Variants in CNTN5 observed in about 807,000 individuals in gnomAD.
CNTN5 encodes the protein contactin-5.
CNTN5 carries 77 observed loss-of-function variants against 129.1 expected under a neutral mutation model. The ratio of observed to expected loss-of-function variants is 0.60; its 90% confidence interval spans 0.50 to 0.72. CNTN5 has a LOEUF of 0.72. Among genes scored for constraint, CNTN5 ranks in the 30% least tolerant of loss-of-function variants. CNTN5 has a pLI of 0.00. For synonymous variants in CNTN5, 509 were observed against 465.6 expected (o/e 1.09, Z -1.20); for missense variants, 1,478 against 1,328.8 (o/e 1.11, Z -1.75).
At chr11:99,351,036 G>C (rs1207688226) in intron 2 of CNTN5, among the ~76,000 whole-genome samples, 1 of 152,024 alleles carries the variant, frequency 6.6e-6, no homozygotes, top group Admixed American at 6.6e-5. Context: ...GGGCCTAGGG[G>C]AGGGATAACA....
At chr11:99,208,198 T>G (rs534516302) in intron 1 of CNTN5, among the ~76,000 whole-genome samples, 2 of 152,288 alleles carry the variant, frequency 1.3e-5, no homozygotes, top group African/African-American at 4.8e-5. Context: ...GTTAACTGCA[T>G]GCAATTCAAA....
At chr11:99,462,360 CTTTTTTT>C (rs72276833) in intron 2 of CNTN5, among the ~76,000 whole-genome samples, 1 of 125,284 alleles carries the variant, frequency 8.0e-6, no homozygotes, top group Non-Finnish European at 1.7e-5. Flanking sequence ...CTTTTCTTTT[CTTTTTTT>C]TTTTTTTTTA....
At chr11:99,193,035 C>G (rs776984131) in intron 1 of CNTN5, among the ~76,000 whole-genome samples, 1 of 152,060 alleles carries the variant, frequency 6.6e-6, no homozygotes, top group Non-Finnish European at 1.5e-5. Context: ...CTATTCAAAG[C>G]TAAGTAGAGC....
chr11:99,839,137 G>A (rs559910379), intron 4 of CNTN5, among the ~76,000 whole-genome samples: 1 of 152,160 alleles, frequency 6.6e-6, no homozygotes, highest in East Asian at 1.9e-4. Flanking sequence ...TAAAAAGGAG[G>A]CATGAAAAGG....
intron 23 of CNTN5, among the ~76,000 whole-genome samples, chr11:100,347,232 C>A (rs1202571106): frequency 6.6e-6 from 1 of 152,054 alleles, no homozygotes; most frequent in African/African-American, 2.4e-5. Context: ...GTTTTACATA[C>A]CCACTAGAAC....
chr11:99,190,606 A>C (rs1858589623), intron 1 of CNTN5, among the ~76,000 whole-genome samples: 1 of 151,172 alleles, frequency 6.6e-6, no homozygotes, highest in Non-Finnish European at 1.5e-5. Context: ...TTTAGTGTAG[A>C]GGTCTTAAAT....
chr11:99,088,962 A>G (rs906300044), intron 1 of CNTN5, among the ~76,000 whole-genome samples: 3 of 152,224 alleles, frequency 2.0e-5, no homozygotes, highest in African/African-American at 7.2e-5. Context: ...ATTGGGCATC[A>G]GTGAAAATAA....
rs74720461 is a variant in CNTN5 at position 100,200,413 on chromosome 11, T to C, written c.1884+6750T>C. On this transcript the variant is annotated intron_variant, in intron 15 of 24. Coordinates refer to ENST00000524871, the MANE Select transcript of CNTN5 (RefSeq NM_014361.4). ...TAAATATAATCTACCAAAACAAACT[T>C]CCTATATTGTCGTAGGTATACAGAG... Among the ~76,000 whole-genome samples the C allele has an allele frequency of 1.6e-3, 246 of 152,062 alleles. 2 individuals are homozygous for C. In the East Asian group the frequency reaches 0.031, roughly 19 times the overall value.
chr11:100,338,304 T>TC (rs1952079337), intron 21 of CNTN5, among the ~76,000 whole-genome samples: 1 of 152,146 alleles, frequency 6.6e-6, no homozygotes, highest in African/African-American at 2.4e-5. Context: ...CTTCCTATGG[T>TC]CACCACTGGA....
At chr11:99,417,764 T>C (rs1278648395) in intron 2 of CNTN5, among the ~76,000 whole-genome samples, 3 of 152,158 alleles carry the variant, frequency 2.0e-5, no homozygotes, top group Non-Finnish European at 4.4e-5. Flanking sequence ...CTTTTAATCT[T>C]CAATAAACAC....
chr11:100,321,921 C>T, intron 21 of CNTN5, among the ~76,000 whole-genome samples: 1 of 152,036 alleles, frequency 6.6e-6, no homozygotes, highest in Middle Eastern at 3.2e-3. Flanking sequence ...TTTAAATGTG[C>T]TGTTGAATTT....
chr11:99,566,248 C>T (rs947807693), intron 3 of CNTN5, among the ~76,000 whole-genome samples: 7 of 152,108 alleles, frequency 4.6e-5, no homozygotes, highest in Non-Finnish European at 5.9e-5. Flanking sequence ...CTATTGCTTG[C>T]TCCTGCTCTC....
intron 1 of CNTN5, among the ~76,000 whole-genome samples, chr11:99,039,078 AAATT>A (rs1863877710): frequency 6.6e-6 from 1 of 152,178 alleles, no homozygotes; most frequent in Admixed American, 6.5e-5. Context: ...ACTTGTTTTC[AAATT>A]AATATTAAAC....
intron 21 of CNTN5, among the ~76,000 whole-genome samples, chr11:100,311,760 G>A (rs1951478628): frequency 6.6e-6 from 1 of 151,988 alleles, no homozygotes; most frequent in Admixed American, 6.6e-5. Flanking sequence ...GATGGATTCA[G>A]CAATGTGGAG....
At chr11:99,670,266 C>A (rs940624801) in intron 3 of CNTN5, among the ~76,000 whole-genome samples, 2 of 152,140 alleles carry the variant, frequency 1.3e-5, no homozygotes, top group African/African-American at 4.8e-5. Context: ...GAGGTTGCTA[C>A]AACTGAGTGA....
chr11:100,256,775 A>C (rs1271559935), intron 17 of CNTN5, among the ~76,000 whole-genome samples: 1 of 151,934 alleles, frequency 6.6e-6, no homozygotes, highest in Non-Finnish European at 1.5e-5. Context: ...CAGCCCAGAT[A>C]CTACACTTTT....
At chr11:99,505,794 G>T (rs1367434662) in intron 2 of CNTN5, among the ~76,000 whole-genome samples, 1 of 152,116 alleles carries the variant, frequency 6.6e-6, no homozygotes, top group Admixed American at 6.5e-5. Flanking sequence ...GCCTCATTGT[G>T]TTGCTAAAGG....
At chr11:100,055,938 CTACT>C (rs1228804666) in intron 9 of CNTN5, among the ~76,000 whole-genome samples, 1 of 151,442 alleles carries the variant, frequency 6.6e-6, no homozygotes, top group Non-Finnish European at 1.5e-5. Flanking sequence ...TACTACATGT[CTACT>C]AACTGATGCC....
At chr11:99,263,546 A>C (rs1220355897) in intron 1 of CNTN5, among the ~76,000 whole-genome samples, 1 of 152,134 alleles carries the variant, frequency 6.6e-6, no homozygotes, top group Non-Finnish European at 1.5e-5. Flanking sequence ...ATCTAAGAAA[A>C]TTTGTATAAA....
Sources: allele counts gnomAD v4.1 joint callset (sites outside exome capture counted in the v4.1 genomes callset), GRCh38; gene constraint gnomAD v4.1.1; transcripts MANE v1.5; gene names NCBI Gene and HGNC (gene_info 2026-07-23, HGNC 2026-07-21).